The following GJB7 variants were observed in gnomAD, a reference collection of about 807,000 sequenced individuals.
GJB7 encodes gap junction protein beta 7, also known as gap junction beta-7 protein.
For synonymous variants in GJB7, 87 were observed against 95.2 expected (o/e 0.91, Z 0.50); for missense variants, 253 against 256.8 (o/e 0.99, Z 0.10).
chr6:87,285,195 C>T (rs568045702), intron 2 of GJB7, among the ~76,000 whole-genome samples: 6 of 152,288 alleles, frequency 3.9e-5, no homozygotes, highest in African/African-American at 1.4e-4. Context: ...GCCCACTACC[C>T]CATTTTCAAA....
At chr6:87,302,521 G>A (rs965188183) in intron 2 of GJB7, among the ~76,000 whole-genome samples, 2 of 152,168 alleles carry the variant, frequency 1.3e-5, no homozygotes, top group African/African-American at 2.4e-5. Context: ...AGAAATATGG[G>A]ACTATGTGAA....
intron 1 of GJB7, among the ~76,000 whole-genome samples, chr6:87,328,846 C>T (rs2127919162): frequency 6.6e-6 from 1 of 152,348 alleles, no homozygotes; most frequent in East Asian, 1.9e-4. Flanking sequence ...CGCCCCTCCC[C>T]CAGCCTCACT....
intron 1 of GJB7, among the ~76,000 whole-genome samples, chr6:87,327,200 A>G (rs1050151938): frequency 3.8e-4 from 56 of 148,434 alleles, no homozygotes; most frequent in African/African-American, 1.2e-3. Context: ...CAGCACACTG[A>G]TGGGTCTTGA....
chr6:87,296,966 A>T (rs981470985), intron 2 of GJB7, among the ~76,000 whole-genome samples: 1 of 152,272 alleles, frequency 6.6e-6, no homozygotes, highest in Non-Finnish European at 1.5e-5. Context: ...TTTAAGCTTC[A>T]TGGCCCCTGT....
chr6:87,291,171 A>G (rs1485999642), intron 2 of GJB7, among the ~76,000 whole-genome samples: 3 of 152,184 alleles, frequency 2.0e-5, no homozygotes, highest in Non-Finnish European at 4.4e-5. Context: ...TTTCAGCAAC[A>G]TGATGTCTTT....
intron 2 of GJB7, chr6:87,291,888 A>G (rs186668423): frequency 6.6e-6 from 1 of 152,346 alleles, no homozygotes; most frequent in East Asian, 1.9e-4. Flanking sequence ...CAATTTTCCC[A>G]TTAAATAGAC....
intron 2 of GJB7, 127 bp from the exon 3 acceptor site, chr6:87,285,066 C>T: frequency 1.6e-6 from 1 of 634,538 alleles, no homozygotes; most frequent in Admixed American, 3.0e-5. Flanking sequence ...GTTTAGGGCT[C>T]TCTAAGAATC....
At chr6:87,307,202 C>CA (rs74215604) in intron 2 of GJB7, among the ~76,000 whole-genome samples, 155 of 129,126 alleles carry the variant, frequency 1.2e-3, no homozygotes, top group African/African-American at 1.5e-3. Context: ...AATTTTTAGC[C>CA]AAAAAAAAAA....
chr6:87,321,977 C>T (rs1043712204), intron 2 of GJB7, among the ~76,000 whole-genome samples: 17 of 152,198 alleles, frequency 1.1e-4, no homozygotes, highest in African/African-American at 4.1e-4. Context: ...CCAGGCCCCT[C>T]CTTCAACACA....
At chr6:87,300,551 G>C (rs1253093358) in intron 2 of GJB7, 1 of 160,348 alleles carries the variant, frequency 6.2e-6, no homozygotes, top group Admixed American at 6.3e-5. Flanking sequence ...ATGGCTGAAG[G>C]CTGATGTTTA....
intron 2 of GJB7, among the ~76,000 whole-genome samples, chr6:87,296,137 A>T (rs912489347): frequency 5.3e-5 from 8 of 152,262 alleles, no homozygotes; most frequent in Non-Finnish European, 1.0e-4. Context: ...TACAATAGTG[A>T]CTATAGTCAG....
chr6:87,305,258 A>G (rs1384948962), intron 2 of GJB7, among the ~76,000 whole-genome samples: 2 of 152,082 alleles, frequency 1.3e-5, no homozygotes, highest in Non-Finnish European at 2.9e-5. Flanking sequence ...AGATGACATG[A>G]TTGTATATCT....
At chr6:87,300,589 G>C (rs142239325) in intron 2 of GJB7, 3 of 153,544 alleles carry the variant, frequency 2.0e-5, no homozygotes, top group African/African-American at 4.8e-5. Context: ...ATCAGTTACT[G>C]GTTTCAGTTG....
chr6:87,299,586 T>C (rs1159508508), intron 2 of GJB7: 1 of 227,936 alleles, frequency 4.4e-6, no homozygotes, highest in Non-Finnish European at 8.7e-6. Context: ...AAGATATTGA[T>C]AGAGAAGCTC....
At position 87,283,027 on chromosome 6, in the gene GJB7, A is replaced by T. The variant is rs1269835917; in HGVS notation, c.*1214T>A. Reference sequence around the variant, plus strand: ...TATTCTGAAGAAATGTACATATGTTAAAGTACTAAATCCAAAGAGAACATA... The same window carrying T: ...TATTCTGAAGAAATGTACATATGTTTAAGTACTAAATCCAAAGAGAACATA... On this transcript the variant is annotated 3_prime_UTR_variant, in exon 3 of 3. Coordinates refer to ENST00000525899, the MANE Select transcript of GJB7 (RefSeq NM_198568.3). The T allele has an allele frequency of 2.6e-5, 4 of 152,236 alleles. No individual in the cohort carries two copies. The highest frequency in any genetic ancestry group is 5.9e-5 in the Non-Finnish European group (4 of 68,044). 9.4% of individuals were successfully genotyped at this position (152,236 alleles called of 1,614,324 possible).
At position 87,328,530 on chromosome 6, in the gene GJB7, C is replaced by G. The variant is rs576259834; in HGVS notation, c.-206+608G>C. Among the ~76,000 whole-genome samples, 18 of 151,774 alleles carry G rather than the reference C, an allele frequency of 1.2e-4. 1 individual carries two copies. The South Asian group carries it at 3.7e-3, about 31-fold the overall frequency. ...CCGGCCGTGTGAGGTATCAGTCTGC[C>G]CCTGCTGGAGGCTGCCTCCCAGTTA... On this transcript the variant is annotated intron_variant, in intron 1 of 2. Coordinates refer to ENST00000525899, the MANE Select transcript of GJB7 (RefSeq NM_198568.3).
intron 2 of GJB7, chr6:87,299,358 T>C (rs986699017): frequency 4.1e-6 from 2 of 488,884 alleles, no homozygotes; most frequent in Admixed American, 2.2e-5. Context: ...CAGTAAAGGA[T>C]GGAAAAACAC....
Position 87,322,988 on chromosome 6 carries a change from T to A in GJB7, c.-150A>T, listed in dbSNP as rs1438623406. 1 of 152,192 alleles carries A rather than the reference T, an allele frequency of 6.6e-6. No individual in the cohort carries two copies. Among genetic ancestry groups the A allele is most frequent in the East Asian group, 1.9e-4 (1 of 5,182 alleles). The allele number at this position is 152,192 out of a possible 1,614,324, so 9.4% of individuals were successfully genotyped here. The stretch of plus-strand genomic sequence containing the variant: ...ACTCATAGGGGAACATGGTGGTGTT[T>A]TGAGGAGACGCCGCTTTTCTTTTGT... On this transcript the variant is annotated 5_prime_UTR_variant, in exon 2 of 3. Coordinates refer to ENST00000525899, the MANE Select transcript of GJB7 (RefSeq NM_198568.3).
chr6:87,289,176 C>T (rs1234948526), intron 2 of GJB7, among the ~76,000 whole-genome samples: 3 of 152,184 alleles, frequency 2.0e-5, no homozygotes, highest in Admixed American at 2.0e-4. Flanking sequence ...GTTCCTCCTT[C>T]CTGCAATACT....
Sources: gnomAD v4.1 joint callset for allele counts (sites outside exome capture counted in the v4.1 genomes callset) on GRCh38, gnomAD v4.1.1 for gene constraint, MANE v1.5 for transcripts, NCBI Gene and HGNC (gene_info 2026-07-23, HGNC 2026-07-21) for gene names.